Variants in LINGO2 observed in about 807,000 individuals in gnomAD.
The protein encoded by LINGO2 is leucine-rich repeat and immunoglobulin-like domain-containing nogo receptor-interacting protein 2.
LINGO2 carries 14 observed loss-of-function variants against 30.6 expected under a neutral mutation model. The ratio of observed to expected loss-of-function variants is 0.46; its 90% CI spans 0.30 to 0.72. The LOEUF (loss-of-function observed/expected upper bound fraction) is 0.72. Among genes scored for constraint, LINGO2 ranks in the 30% least tolerant of loss-of-function variants. The probability of loss-of-function intolerance (pLI) is 0.07; values close to 1 mark genes in which losing one functional copy is unlikely to be tolerated. For synonymous variants in LINGO2, 317 were observed against 288.5 expected, an observed-to-expected ratio of 1.10 and a Z score of -1.00; for missense variants, 729 against 751.7, an observed-to-expected ratio of 0.97 and a Z score of 0.35.
intron 2 of LINGO2, among the ~76,000 whole-genome samples, chr9:28,376,421 ATATAT>A (rs1450377269): frequency 3.3e-5 from 5 of 152,164 alleles, no homozygotes; most frequent in African/African-American, 9.7e-5. Context: ...GATGGGATAA[ATATAT>A]TATATGATGC....
the LINGO2 span, among the ~76,000 whole-genome samples, chr9:29,029,142 T>C: frequency 6.6e-6 from 1 of 152,142 alleles, no homozygotes; most frequent in Non-Finnish European, 1.5e-5. Context: ...CCTTAAAGGC[T>C]ACACTACAGT....
Position 27,971,261 on chromosome 9 carries a change from T to C in LINGO2, c.-35-20555A>G, listed in dbSNP as rs75541463. Among the ~76,000 whole-genome samples the C allele has an allele frequency of 9.7e-4, 148 of 152,138 alleles. 3 individuals are homozygous for C. In the East Asian group the frequency reaches 0.022, roughly 23 times the overall value. On this transcript the variant is annotated intron_variant, in intron 5 of 5. Transcript: ENST00000379992. Reference sequence around the variant, plus strand: ...TCCATCTTTCCTTCTATTTCTTCTGTTTTTTTCTTATTATGCCCTCTTCCC... The same window carrying C: ...TCCATCTTTCCTTCTATTTCTTCTGCTTTTTTCTTATTATGCCCTCTTCCC...
At chr9:28,844,923 C>T in the LINGO2 span, among the ~76,000 whole-genome samples, 1 of 151,876 alleles carries the variant, frequency 6.6e-6, no homozygotes. Context: ...CATCTGAACA[C>T]AGTTTTATTG....
chr9:28,630,966 T>C (rs1826909992), intron 1 of LINGO2, among the ~76,000 whole-genome samples: 1 of 151,792 alleles, frequency 6.6e-6, no homozygotes, highest in Non-Finnish European at 1.5e-5. Context: ...GTTGATATTA[T>C]ACTGTAATTA....
the LINGO2 span, among the ~76,000 whole-genome samples, chr9:29,212,011 C>G: frequency 1.3e-5 from 2 of 152,216 alleles, no homozygotes; most frequent in Non-Finnish European, 2.9e-5. Context: ...CCTTCACTCC[C>G]TCCCACCCTG....
the LINGO2 span, among the ~76,000 whole-genome samples, chr9:28,880,725 C>T: frequency 6.6e-6 from 1 of 152,088 alleles, no homozygotes; most frequent in African/African-American, 2.4e-5. Flanking sequence ...CCTGCCTGCC[C>T]CTGGGAACTG....
At chr9:28,771,376 A>C in the LINGO2 span, among the ~76,000 whole-genome samples, 1 of 151,184 alleles carries the variant, frequency 6.6e-6, no homozygotes, top group African/African-American at 2.4e-5. Context: ...AAGAAATCTG[A>C]TGTTGATCTG....
At chr9:28,228,803 G>A (rs1435055488) in intron 4 of LINGO2, among the ~76,000 whole-genome samples, 2 of 151,048 alleles carry the variant, frequency 1.3e-5, no homozygotes, top group African/African-American at 4.9e-5. Flanking sequence ...TAATATTTTG[G>A]AATTATTTTT....
At chr9:28,448,530 A>C (rs1824518849) in intron 2 of LINGO2, among the ~76,000 whole-genome samples, 1 of 152,160 alleles carries the variant, frequency 6.6e-6, no homozygotes, top group South Asian at 2.1e-4. Context: ...GCTAAAGGCA[A>C]TTGCAGGGGA....
chr9:28,750,592 G>A, the LINGO2 span, among the ~76,000 whole-genome samples: 1 of 152,054 alleles, frequency 6.6e-6, no homozygotes, highest in Admixed American at 6.5e-5. Context: ...TTACCAACTG[G>A]AAGAGCAATA....
At chr9:28,452,023 C>T (rs1236408777) in intron 2 of LINGO2, among the ~76,000 whole-genome samples, 2 of 151,598 alleles carry the variant, frequency 1.3e-5, no homozygotes, top group Non-Finnish European at 3.0e-5. Flanking sequence ...GTAGAGTACA[C>T]TAAAAAATAA....
the LINGO2 span, among the ~76,000 whole-genome samples, chr9:28,771,544 T>C: frequency 6.6e-6 from 1 of 151,274 alleles, no homozygotes; most frequent in Admixed American, 6.6e-5. Context: ...TAGTATAAGG[T>C]TTGGAATTAA....
chr9:28,138,993 A>C lies in LINGO2; in HGVS notation c.-86-126588T>G, dbSNP rs116227719. On this transcript the variant is annotated intron_variant, in intron 4 of 5. Transcript: ENST00000379992. ...TTCACTAAGAGTTTCTCCCTCCACTATCAGTAAGTCTCAAAAAGGCCTGGC... is the reference window on the plus strand; with the variant it reads ...TTCACTAAGAGTTTCTCCCTCCACTCTCAGTAAGTCTCAAAAAGGCCTGGC... 6.9e-3 allele frequency among the ~76,000 whole-genome samples: 1,051 copies of C among 152,276 alleles called. 22 individuals carry two copies. The highest frequency in any genetic ancestry group is 0.024 in the African/African-American group (991 of 41,560).
At chr9:28,269,629 G>A (rs145121301) in intron 4 of LINGO2, among the ~76,000 whole-genome samples, 12 of 151,998 alleles carry the variant, frequency 7.9e-5, no homozygotes, top group Non-Finnish European at 1.2e-4. Context: ...CTAAACTTCA[G>A]GAATGGCTTT....
chr9:29,106,868 C>T, the LINGO2 span, among the ~76,000 whole-genome samples: 1 of 151,866 alleles, frequency 6.6e-6, no homozygotes, highest in Admixed American at 6.6e-5. Flanking sequence ...GATGGATACA[C>T]ACACAAATTC....
intron 1 of LINGO2, among the ~76,000 whole-genome samples, chr9:28,497,196 A>C (rs1819668348): frequency 2.0e-5 from 3 of 152,046 alleles, no homozygotes; most frequent in Admixed American, 2.0e-4. Context: ...CTGAATTTGA[A>C]TGTTGGCCTG....
intron 1 of LINGO2, among the ~76,000 whole-genome samples, chr9:28,558,695 G>C (rs1183047623): frequency 1.3e-5 from 2 of 151,886 alleles, no homozygotes; most frequent in Non-Finnish European, 2.9e-5. Flanking sequence ...GAACACTGGG[G>C]GGCTTTTTAA....
intron 1 of LINGO2, among the ~76,000 whole-genome samples, chr9:28,542,612 C>T (rs1343111155): frequency 6.6e-6 from 1 of 151,758 alleles, no homozygotes; most frequent in East Asian, 1.9e-4. Flanking sequence ...AATTTAAGTT[C>T]TTTTTTTTAA....
chr9:27,956,172 A>C (rs1819560486), intron 5 of LINGO2, among the ~76,000 whole-genome samples: 2 of 151,932 alleles, frequency 1.3e-5, no homozygotes, highest in Non-Finnish European at 2.9e-5. Context: ...AACTCCGGAG[A>C]CCTCAGGTGA....
Sources: gnomAD v4.1 joint callset for allele counts (sites outside exome capture counted in the v4.1 genomes callset) on GRCh38, gnomAD v4.1.1 for gene constraint, MANE v1.5 for transcripts, NCBI Gene and HGNC (gene_info 2026-07-23, HGNC 2026-07-21) for gene names.